DPYD: variants seen among roughly 807,000 people sequenced by gnomAD.
DPYD encodes the protein dihydropyrimidine dehydrogenase [NADP(+)].
DPYD carries 109 observed loss-of-function variants against 116.2 expected under a neutral mutation model. That is an observed-to-expected ratio of 0.94 (90% confidence interval 0.80 to 1.10). The LOEUF (loss-of-function observed/expected upper bound fraction) is 1.10. Among genes scored for constraint, DPYD ranks in the 50% least tolerant of loss-of-function variants. DPYD has a pLI of 0.00. For missense variants in DPYD, 1,302 were observed against 1,254.5 expected, an observed-to-expected ratio of 1.04 and a Z score of -0.57; for synonymous variants, 440 against 432.0, an observed-to-expected ratio of 1.02 and a Z score of -0.23.
chr1:97,439,763 T>C (rs1675662341), intron 14 of DPYD, among the ~76,000 whole-genome samples: 1 of 152,126 alleles, frequency 6.6e-6, no homozygotes, highest in Admixed American at 6.5e-5. Flanking sequence ...TTACTTTGGG[T>C]TCAATCTGCT....
At chr1:97,244,569 C>A (rs898132906) in intron 18 of DPYD, among the ~76,000 whole-genome samples, 30 of 151,916 alleles carry the variant, frequency 2.0e-4, no homozygotes, top group African/African-American at 6.0e-4. Flanking sequence ...GGTTTAGTTT[C>A]CATGGTAGAT....
chr1:97,446,319 G>A (rs963971464), intron 14 of DPYD, among the ~76,000 whole-genome samples: 1 of 152,096 alleles, frequency 6.6e-6, no homozygotes, highest in Non-Finnish European at 1.5e-5. Flanking sequence ...AAATATTCTG[G>A]AAAGAGGCTC....
chr1:97,190,653 T>C (rs1020429632), intron 20 of DPYD, among the ~76,000 whole-genome samples: 1 of 152,154 alleles, frequency 6.6e-6, no homozygotes, highest in African/African-American at 2.4e-5. Context: ...CCTGAAGAAA[T>C]GCTGGTTAGG....
At chr1:97,918,043 A>G (rs1235757238) in intron 1 of DPYD, among the ~76,000 whole-genome samples, 2 of 152,210 alleles carry the variant, frequency 1.3e-5, no homozygotes, top group Non-Finnish European at 2.9e-5. Context: ...AGTTTGTATT[A>G]AAGTCATCGT....
intron 13 of DPYD, among the ~76,000 whole-genome samples, chr1:97,456,108 T>A (rs6672633): frequency 0.027 from 4,122 of 151,874 alleles, 210 homozygotes; most frequent in African/African-American, 0.094. Flanking sequence ...TCATGACCTA[T>A]ATCCATGGTT....
At chr1:97,269,258 C>T (rs1015178670) in intron 18 of DPYD, among the ~76,000 whole-genome samples, 15 of 152,118 alleles carry the variant, frequency 9.9e-5, no homozygotes, top group African/African-American at 3.4e-4. Flanking sequence ...CACATTTCTA[C>T]AACATTCTGA....
In DPYD at chr1:97,493,356, C is replaced by T. The variant is rs182399015; in HGVS notation, c.1740+22370G>A. On this transcript the variant is annotated intron_variant, in intron 13 of 22. Coordinates refer to ENST00000370192, the MANE Select transcript of DPYD (RefSeq NM_000110.4). ...ACTAAAACACAAGCCATGAAGGAAG[C>T]CATGGAAATCCAGAGCCCAGAGGAG... 7.0e-4 allele frequency among the ~76,000 whole-genome samples: 107 copies of T among 152,200 alleles called. 1 individual carries two copies. The highest frequency in any genetic ancestry group is 1.0e-4 in the Non-Finnish European group (7 of 67,990).
At chr1:97,101,534 G>C (rs1650690861) in intron 20 of DPYD, among the ~76,000 whole-genome samples, 1 of 141,614 alleles carries the variant, frequency 7.1e-6, no homozygotes, top group South Asian at 2.2e-4. Flanking sequence ...ACAAAGCTAA[G>C]AAAGAGTGAA....
chr1:97,725,688 C>A (rs78107477), intron 4 of DPYD, among the ~76,000 whole-genome samples: 1,709 of 151,550 alleles, frequency 0.011, 32 homozygotes, highest in African/African-American at 0.039. Context: ...TAAGGCAATT[C>A]AATTGGAAAG....
intron 3 of DPYD, among the ~76,000 whole-genome samples, chr1:97,747,597 C>G (rs889629496): frequency 2.0e-5 from 3 of 152,108 alleles, no homozygotes; most frequent in African/African-American, 7.2e-5. Flanking sequence ...TATAGAATGT[C>G]TATATTTAGC....
intron 20 of DPYD, among the ~76,000 whole-genome samples, chr1:97,149,864 T>C (rs1243025020): frequency 1.3e-5 from 2 of 152,226 alleles, no homozygotes; most frequent in African/African-American, 2.4e-5. Flanking sequence ...TATTTTCACA[T>C]AGTAACATTA....
chr1:97,250,582 G>A (rs759730559), intron 18 of DPYD, among the ~76,000 whole-genome samples: 14 of 152,094 alleles, frequency 9.2e-5, no homozygotes, highest in Non-Finnish European at 1.8e-4. Context: ...TGATGTATGT[G>A]ACAATATTAT....
chr1:97,468,881 G>C (rs1165758612), intron 13 of DPYD, among the ~76,000 whole-genome samples: 1 of 152,192 alleles, frequency 6.6e-6, no homozygotes, highest in African/African-American at 2.4e-5. Context: ...CATAAGTCTT[G>C]AATTTATTTA....
At chr1:97,639,644 C>T (rs565662415) in intron 8 of DPYD, among the ~76,000 whole-genome samples, 5 of 151,538 alleles carry the variant, frequency 3.3e-5, no homozygotes, top group East Asian at 3.9e-4. Context: ...AAACAAGACC[C>T]CAATCTTATA....
intron 5 of DPYD, among the ~76,000 whole-genome samples, chr1:97,702,986 A>C (rs1571216606): frequency 1.3e-5 from 2 of 151,978 alleles, no homozygotes; most frequent in Non-Finnish European, 2.9e-5. Flanking sequence ...CACATAGCAT[A>C]TGTGCACATA....
chr1:97,461,533 A>AAACTAAAAT (rs1450129161), intron 13 of DPYD, among the ~76,000 whole-genome samples: 1 of 152,220 alleles, frequency 6.6e-6, no homozygotes, highest in East Asian at 1.9e-4. Flanking sequence ...GAAAAAAATG[A>AAACTAAAAT]GGAGGATAAA....
chr1:97,178,140 T>C (rs1002540646), intron 20 of DPYD, among the ~76,000 whole-genome samples: 5 of 152,046 alleles, frequency 3.3e-5, no homozygotes, highest in African/African-American at 1.2e-4. Context: ...TAGCTGTATG[T>C]TATGGAAAGA....
At chr1:97,129,133 T>G (rs67517372) in intron 20 of DPYD, among the ~76,000 whole-genome samples, 45,104 of 151,124 alleles carry the variant, frequency 0.3, 7,102 homozygotes, top group Middle Eastern at 0.42. Flanking sequence ...GGCATGATTT[T>G]GGATCACTGC....
At chr1:97,886,405 C>A (rs6684683) in intron 1 of DPYD, among the ~76,000 whole-genome samples, 1 of 152,162 alleles carries the variant, frequency 6.6e-6, no homozygotes, top group East Asian at 1.9e-4. Context: ...ATCCAGCCCC[C>A]ACTCATAGAG....
Sources: gnomAD v4.1 joint callset for allele counts (sites outside exome capture counted in the v4.1 genomes callset) on GRCh38, gnomAD v4.1.1 for gene constraint, MANE v1.5 for transcripts, NCBI Gene and HGNC (gene_info 2026-07-23, HGNC 2026-07-21) for gene names.